Variants in KAZN observed in about 807,000 individuals in gnomAD.
KAZN encodes the protein kazrin.
In KAZN, 40 loss-of-function variants were observed where a neutral mutation model predicts 87.4. The ratio of observed to expected loss-of-function variants is 0.46; its 90% CI spans 0.36 to 0.60. KAZN has a LOEUF of 0.60. Ranked by LOEUF, KAZN falls within the 20% of genes least tolerant of loss-of-function variation. The pLI is 0.00. For synonymous variants in KAZN, 466 were observed against 458.3 expected, an observed-to-expected ratio of 1.02 and a Z score of -0.22; for missense variants, 898 against 1,073.9, an observed-to-expected ratio of 0.84 and a Z score of 2.29.
At chr1:14,520,682 G>C (rs1671539657) in intron 2 of KAZN, among the ~76,000 whole-genome samples, 1 of 152,198 alleles carries the variant, frequency 6.6e-6, no homozygotes, top group Non-Finnish European at 1.5e-5. Flanking sequence ...CCACCTCTGG[G>C]AATTTCCCTG....
At chr1:13,903,937 G>T (rs1009076290) in intron 1 of KAZN, among the ~76,000 whole-genome samples, 1 of 152,194 alleles carries the variant, frequency 6.6e-6, no homozygotes, top group African/African-American at 2.4e-5. Flanking sequence ...TGCAGCCCCA[G>T]TCAGGAGCAC....
intron 1 of KAZN, among the ~76,000 whole-genome samples, chr1:14,727,589 C>T (rs1410105605): frequency 6.7e-6 from 1 of 149,096 alleles, no homozygotes; most frequent in African/African-American, 2.5e-5. Context: ...AAGCGATTCT[C>T]CTGCCTCAGC....
At chr1:14,595,262 G>C (rs2148586976), upstream of KAZN, among the ~76,000 whole-genome samples, 1 of 152,322 alleles carries the variant, frequency 6.6e-6, no homozygotes, top group South Asian at 2.1e-4. Flanking sequence ...CTTGAAAAGG[G>C]GGATGCCGTG....
At chr1:14,051,391 G>A (rs1157579227) in intron 1 of KAZN, among the ~76,000 whole-genome samples, 1 of 152,190 alleles carries the variant, frequency 6.6e-6, no homozygotes, top group African/African-American at 2.4e-5. Flanking sequence ...TGAGGAGGGA[G>A]TCTGGGTTTT....
intron 1 of KAZN, among the ~76,000 whole-genome samples, chr1:14,070,167 C>CAAAAAAAAAAAAAAAAAAA (rs61327562): frequency 6.5e-4 from 47 of 72,722 alleles, no homozygotes; most frequent in Non-Finnish European, 7.2e-4. Context: ...GACTCCATCT[C>CAAAAAAAAAAAAAAAAAAA]AAAAAAAAAA....
At chr1:14,089,515 C>G (rs940072373) in intron 1 of KAZN, among the ~76,000 whole-genome samples, 1 of 151,886 alleles carries the variant, frequency 6.6e-6, no homozygotes, top group East Asian at 1.9e-4. Flanking sequence ...TCACAGTGTC[C>G]CCTCAAATAA....
At chr1:14,453,081 A>G (rs1263915086) in intron 2 of KAZN, among the ~76,000 whole-genome samples, 1 of 149,378 alleles carries the variant, frequency 6.7e-6, no homozygotes, top group Non-Finnish European at 1.5e-5. Context: ...TCAGCCTCCC[A>G]AGTAGCTGGG....
chr1:14,736,254 GGTGTGTGTGTGTGTGT>G (rs528070001), intron 1 of KAZN, among the ~76,000 whole-genome samples: 176 of 115,310 alleles, frequency 1.5e-3, no homozygotes, highest in Middle Eastern at 4.6e-3. Flanking sequence ...GGGACTCAAG[GGTGTGTGTGTGTGTGT>G]GTGTGTGTGT....
chr1:14,264,891 T>G (rs1651352315), intron 2 of KAZN, among the ~76,000 whole-genome samples: 1 of 152,202 alleles, frequency 6.6e-6, no homozygotes, highest in South Asian at 2.1e-4. Context: ...ATCTCTATAT[T>G]TTAAGGTCTG....
intron 1 of KAZN, among the ~76,000 whole-genome samples, chr1:14,649,139 G>A (rs1013413873): frequency 6.6e-6 from 1 of 152,314 alleles, no homozygotes; most frequent in East Asian, 1.9e-4. Context: ...TAATGCCCTG[G>A]TGGTGGCCAG....
chr1:14,797,844 C>T (rs982961478), intron 1 of KAZN, among the ~76,000 whole-genome samples: 2 of 152,142 alleles, frequency 1.3e-5, no homozygotes, highest in Non-Finnish European at 2.9e-5. Context: ...ATGAAATAGT[C>T]CTTGTGGAGT....
intron 1 of KAZN, among the ~76,000 whole-genome samples, chr1:14,138,944 G>A (rs1294514603): frequency 6.6e-6 from 1 of 152,180 alleles, no homozygotes; most frequent in Admixed American, 6.5e-5. Context: ...AATTGTGCCA[G>A]GGCCGATGGA....
intron 1 of KAZN, among the ~76,000 whole-genome samples, chr1:14,660,541 CTTTTTTTTTTTT>C (rs1156503750): frequency 6.6e-5 from 5 of 76,006 alleles, no homozygotes; most frequent in Admixed American, 3.9e-4. Context: ...CTCTCTCTCT[CTTTTTTTTTTTT>C]TTTTTTTTTT....
At chr1:14,329,283 C>G (rs1178958151) in intron 2 of KAZN, among the ~76,000 whole-genome samples, 3 of 151,896 alleles carry the variant, frequency 2.0e-5, no homozygotes, top group Non-Finnish European at 4.4e-5. Context: ...GTTCTGTTGG[C>G]TTAGCTTGGG....
chr1:14,464,811 G>T (rs1004813556), intron 2 of KAZN, among the ~76,000 whole-genome samples: 7 of 152,140 alleles, frequency 4.6e-5, no homozygotes, highest in African/African-American at 1.7e-4. Context: ...AAAGTGCTGG[G>T]ATTACAGGCC....
intron 8 of KAZN, among the ~76,000 whole-genome samples, chr1:15,069,067 T>A (rs1429150008): frequency 6.6e-6 from 1 of 151,910 alleles, no homozygotes; most frequent in African/African-American, 2.4e-5. Flanking sequence ...ATTCCTGGAA[T>A]TGAAGTGTAT....
chr1:15,095,111 T>C (rs1325933486), intron 10 of KAZN, among the ~76,000 whole-genome samples, 178 bp downstream of exon 10: 1 of 152,046 alleles, frequency 6.6e-6, no homozygotes, highest in African/African-American at 2.4e-5. Context: ...ACCCCAGCCC[T>C]GCTCTGGGCC....
At chr1:14,770,193 T>A (rs1447978252) in intron 1 of KAZN, among the ~76,000 whole-genome samples, 1 of 152,120 alleles carries the variant, frequency 6.6e-6, no homozygotes, top group Non-Finnish European at 1.5e-5. Flanking sequence ...GAGAAAGCCA[T>A]AGAAGGTTTT....
At chr1:14,692,046 G>GT (rs1230310101) in intron 1 of KAZN, 2 of 200,196 alleles carry the variant, frequency 1.0e-5, no homozygotes, top group African/African-American at 5.4e-5. Context: ...CACAGTAGTG[G>GT]TAAAAAAAAA....
Sources: gnomAD v4.1 joint callset for allele counts (sites outside exome capture counted in the v4.1 genomes callset) on GRCh38, gnomAD v4.1.1 for gene constraint, MANE v1.5 for transcripts, NCBI Gene and HGNC (gene_info 2026-07-23, HGNC 2026-07-21) for gene names.